Variants in CNBD1 observed in about 807,000 individuals in gnomAD.
CNBD1 encodes cyclic nucleotide-binding domain-containing protein 1.
In CNBD1, 71 loss-of-function variants were observed where a neutral mutation model predicts 54.4. The ratio of observed to expected loss-of-function variants is 1.30; its 90% confidence interval spans 1.08 to 1.59. The LOEUF is 1.59. CNBD1 is among the 40% of genes most tolerant of loss of function. The pLI is 0.00. For missense variants in CNBD1, 659 were observed against 518.0 expected, an observed-to-expected ratio of 1.27 and a Z score of -2.64; for synonymous variants, 182 against 170.7, an observed-to-expected ratio of 1.07 and a Z score of -0.51.
At chr8:87,328,951 T>C (rs1174706392) in intron 8 of CNBD1, among the ~76,000 whole-genome samples, 1 of 152,150 alleles carries the variant, frequency 6.6e-6, no homozygotes, top group Non-Finnish European at 1.5e-5. Flanking sequence ...CTTTTCTTTT[T>C]GTATAGTCAT....
At chr8:87,181,928 G>C (rs1813358222) in intron 4 of CNBD1, among the ~76,000 whole-genome samples, 1 of 152,014 alleles carries the variant, frequency 6.6e-6, no homozygotes, top group Admixed American at 6.6e-5. Context: ...GGGGATACAT[G>C]TGCAGGTTTT....
intron 8 of CNBD1, among the ~76,000 whole-genome samples, chr8:87,335,033 G>C (rs760812607): frequency 3.3e-5 from 5 of 151,870 alleles, no homozygotes; most frequent in Non-Finnish European, 7.4e-5. Flanking sequence ...CAAGTTTCTT[G>C]ATCCTGAGTT....
intron 4 of CNBD1, among the ~76,000 whole-genome samples, chr8:86,959,922 G>T (rs1807883470): frequency 6.6e-6 from 1 of 151,978 alleles, no homozygotes; most frequent in African/African-American, 2.4e-5. Flanking sequence ...CCTTTGGAGA[G>T]AAGAGGGGCT....
chr8:87,324,525 G>C (rs1010664514), intron 8 of CNBD1, among the ~76,000 whole-genome samples: 1 of 145,308 alleles, frequency 6.9e-6, no homozygotes, highest in Non-Finnish European at 1.5e-5. Flanking sequence ...TCCTGGTTTA[G>C]TCTTGGGAGA....
intron 4 of CNBD1, among the ~76,000 whole-genome samples, chr8:86,943,519 G>T (rs572123135): frequency 2.5e-4 from 38 of 152,014 alleles, no homozygotes; most frequent in African/African-American, 8.9e-4. Context: ...AATACTGATA[G>T]ATGGGAAAAA....
At chr8:87,093,495 A>T (rs968548059) in intron 4 of CNBD1, among the ~76,000 whole-genome samples, 1 of 152,146 alleles carries the variant, frequency 6.6e-6, no homozygotes, top group African/African-American at 2.4e-5. Flanking sequence ...TGAGGCCTTC[A>T]ACTGATTGGA....
At chr8:87,063,861 C>G (rs1026859209) in intron 4 of CNBD1, among the ~76,000 whole-genome samples, 4 of 151,814 alleles carry the variant, frequency 2.6e-5, no homozygotes. Flanking sequence ...TATTTTGATG[C>G]TATTATAAAT....
At chr8:87,384,533 G>T (rs1229677029), downstream of CNBD1, among the ~76,000 whole-genome samples, 1 of 152,088 alleles carries the variant, frequency 6.6e-6, no homozygotes, top group African/African-American at 2.4e-5. Flanking sequence ...TGTTGATTCA[G>T]TATTTCCTCC....
rs145661197 is a variant in CNBD1, at chr8:87,232,748, A to G, written c.578-4171A>G. On this transcript the variant is annotated intron_variant, in intron 5 of 10. Transcript: ENST00000518476. The stretch of plus-strand genomic sequence containing the variant: ...TAAAATGCAAATATACTGTATCCCA[A>G]ACCAACTTGAGTAAAGATAATGGTT... 2.1e-3 allele frequency among the ~76,000 whole-genome samples: 321 copies of G among 152,262 alleles called. 7 individuals are homozygous for G. The South Asian group carries it at 0.021, about 10-fold the overall frequency.
chr8:86,995,477 A>G (rs1808850802), intron 4 of CNBD1, among the ~76,000 whole-genome samples: 1 of 152,200 alleles, frequency 6.6e-6, no homozygotes, highest in African/African-American at 2.4e-5. Flanking sequence ...GACATAAACC[A>G]AGAGTTCTTG....
intron 2 of CNBD1, among the ~76,000 whole-genome samples, chr8:87,410,597 GAAT>G (rs1586085568): frequency 6.6e-6 from 1 of 152,106 alleles, no homozygotes; most frequent in Admixed American, 6.6e-5. Flanking sequence ...AAAAAATTTA[GAAT>G]ATTACATAAA....
At chr8:87,156,118 G>T (rs1812728670) in intron 4 of CNBD1, among the ~76,000 whole-genome samples, 1 of 151,286 alleles carries the variant, frequency 6.6e-6, no homozygotes, top group African/African-American at 2.4e-5. Context: ...ACGAAGCATG[G>T]TGCTGAAATA....
At chr8:87,167,596 CTTTCTGA>C (rs1282760123) in intron 4 of CNBD1, among the ~76,000 whole-genome samples, 1 of 151,806 alleles carries the variant, frequency 6.6e-6, no homozygotes. Flanking sequence ...GCATCCCATG[CTTTCTGA>C]ACCACCTGGT....
intron 6 of CNBD1, among the ~76,000 whole-genome samples, chr8:87,275,596 A>T (rs1033615772): frequency 6.6e-6 from 1 of 151,674 alleles, no homozygotes; most frequent in African/African-American, 2.4e-5. Flanking sequence ...GCTATCTGTG[A>T]CAAACCCACA....
chr8:87,152,280 C>A (rs1812620702), intron 4 of CNBD1, among the ~76,000 whole-genome samples: 1 of 151,850 alleles, frequency 6.6e-6, no homozygotes, highest in African/African-American at 2.4e-5. Flanking sequence ...AAGAGAAAGG[C>A]TAAGGAGACA....
At chr8:87,003,447 GC>G (rs1809033496) in intron 4 of CNBD1, among the ~76,000 whole-genome samples, 1 of 152,080 alleles carries the variant, frequency 6.6e-6, no homozygotes, top group Non-Finnish European at 1.5e-5. Context: ...GTAGGTCTTA[GC>G]AAAAAATGTC....
chr8:86,948,880 T>A (rs977385630), intron 4 of CNBD1, among the ~76,000 whole-genome samples: 1 of 152,186 alleles, frequency 6.6e-6, no homozygotes, highest in East Asian at 1.9e-4. Flanking sequence ...AGTAGTTTCA[T>A]AGTTTGTGTT....
At chr8:86,894,378 A>G (rs1808819901) in intron 2 of CNBD1, among the ~76,000 whole-genome samples, 1 of 152,100 alleles carries the variant, frequency 6.6e-6, no homozygotes, top group African/African-American at 2.4e-5. Context: ...TAATTTTTGA[A>G]TAATTTTGGC....
At chr8:86,873,086 T>C (rs890689639) in intron 1 of CNBD1, among the ~76,000 whole-genome samples, 2 of 150,652 alleles carry the variant, frequency 1.3e-5, no homozygotes, top group Non-Finnish European at 2.9e-5. Context: ...TTTGTTGTTG[T>C]TGTTGTTGTT....
Sources: gnomAD v4.1 joint callset for allele counts (sites outside exome capture counted in the v4.1 genomes callset) on GRCh38, gnomAD v4.1.1 for gene constraint, MANE v1.5 for transcripts, NCBI Gene and HGNC (gene_info 2026-07-23, HGNC 2026-07-21) for gene names.